PPP2R5A: variants seen among roughly 807,000 people sequenced by gnomAD.
The protein encoded by PPP2R5A is protein phosphatase 2 regulatory subunit B'alpha.
In PPP2R5A, 25 loss-of-function variants were observed where a neutral mutation model predicts 64.2. The ratio of observed to expected loss-of-function variants is 0.39; its 90% CI spans 0.28 to 0.54. The LOEUF is 0.54. Among genes scored for constraint, PPP2R5A ranks in the 20% least tolerant of loss-of-function variants. The pLI, the probability that PPP2R5A is intolerant of heterozygous loss-of-function variation, is 0.67. For missense variants in PPP2R5A, 425 were observed against 576.3 expected (o/e 0.74, Z 2.69); for synonymous variants, 198 against 201.2 (o/e 0.98, Z 0.13).
intron 1 of PPP2R5A, among the ~76,000 whole-genome samples, chr1:212,324,105 C>T (rs762316192): frequency 5.3e-5 from 8 of 151,948 alleles, no homozygotes; most frequent in Non-Finnish European, 1.0e-4. Context: ...TGTTCTTAAA[C>T]CTACTACGAT....
chr1:212,360,569 C>G, intron 12 of PPP2R5A, 69 bp from the exon 13 acceptor site: 2 of 1,327,882 alleles, frequency 1.5e-6, no homozygotes, highest in Non-Finnish European at 2.0e-6. Flanking sequence ...CTCCAGTAAG[C>G]TGTCAAACAG....
At chr1:212,338,741 T>C (rs1558151228) in intron 3 of PPP2R5A, among the ~76,000 whole-genome samples, 2 of 151,604 alleles carry the variant, frequency 1.3e-5, no homozygotes, top group South Asian at 2.1e-4. Flanking sequence ...GAGCCGACAT[T>C]GCGCCATTGC....
At chr1:212,336,548 A>G (rs1263795440) in intron 3 of PPP2R5A, among the ~76,000 whole-genome samples, 1 of 152,224 alleles carries the variant, frequency 6.6e-6, no homozygotes, top group African/African-American at 2.4e-5. Flanking sequence ...CTGAAAACCA[A>G]AATTTCTAGA....
chr1:212,360,760 G>C lies in PPP2R5A; in HGVS notation c.1451G>C (p.Ser484Thr). Residue 484 changes from serine to threonine, a missense_variant, in exon 13 of 13, where the codon AGT becomes ACT. By Grantham distance (58) the Ser-to-Thr change is moderately conservative. This residue lies in a region of PPP2R5A where 177 missense variants were observed against 244.8 expected (regional missense o/e 0.72). Coordinates refer to ENST00000261461, the MANE Select transcript of PPP2R5A (RefSeq NM_006243.4). ...ATGCACAGTATTCTCAGCAATACAA[G>C]TGCCGAATAAAAAAAAAGCCTCCCA... is the stretch of plus-strand genomic sequence containing the variant. Reference protein sequence around the residue: ...YNMHSILSNTSAE With the variant: ...YNMHSILSNTTAE The C allele has an allele frequency of 1.3e-6, 2 of 1,521,964 alleles. No individual in the cohort carries two copies. Among genetic ancestry groups the C allele is most frequent in the Non-Finnish European group, 1.8e-6 (2 of 1,142,582 alleles). 94.3% of individuals were successfully genotyped at this position (1,521,964 alleles called of 1,614,324 possible).
rs572366442 is a variant in PPP2R5A, at chr1:212,297,160, C to T, written c.181+10869C>T. ...TTTTGGAGACGGAGTCTCACTCTAT[C>T]GCCCAGGCTGGAGTGTAATGGCACA... On this transcript the variant is annotated intron_variant, in intron 1 of 12. Transcript: ENST00000261461. Among the ~76,000 whole-genome samples, 8 of 113,234 alleles carry T rather than the reference C, an allele frequency of 7.1e-5. No homozygotes were observed. The East Asian group carries it at 1.6e-3, about 23-fold the overall frequency. The allele number at this position is 113,234 out of a possible 152,430, so 74.3% of individuals were successfully genotyped here.
At chr1:212,297,815 T>TTTTTTTTTTATTTTTTA (rs1658727108) in intron 1 of PPP2R5A, 1 of 15,930 alleles carries the variant, frequency 6.3e-5, no homozygotes, top group Non-Finnish European at 1.1e-4. Flanking sequence ...AATTGTTTTT[T>TTTTTTTTTTATTTTTTA]TTTTTTTTTC....
chr1:212,357,329 T>TA, intron 11 of PPP2R5A, 45 bp downstream of exon 11: 4 of 1,422,844 alleles, frequency 2.8e-6, no homozygotes, highest in Non-Finnish European at 1.9e-6. Flanking sequence ...TTTTTTTTTT[T>TA]TATATCTTTT....
intron 1 of PPP2R5A, among the ~76,000 whole-genome samples, chr1:212,319,053 C>T (rs188773935): frequency 1.4e-4 from 21 of 152,266 alleles, no homozygotes; most frequent in African/African-American, 4.8e-4. Flanking sequence ...CTTATTTACT[C>T]ATTTATTTAT....
intron 1 of PPP2R5A, among the ~76,000 whole-genome samples, chr1:212,289,411 T>G (rs528940423): frequency 2.0e-5 from 3 of 152,336 alleles, no homozygotes; most frequent in South Asian, 4.1e-4. Flanking sequence ...TCCCATTTTA[T>G]TGATGAGAAA....
At chr1:212,286,965 G>A (rs1213552263) in intron 1 of PPP2R5A, among the ~76,000 whole-genome samples, 1 of 152,184 alleles carries the variant, frequency 6.6e-6, no homozygotes, top group Non-Finnish European at 1.5e-5. Flanking sequence ...ATATTCTGTT[G>A]TCTGAGCCGA....
At chr1:212,305,500 T>G (rs1393417286) in intron 1 of PPP2R5A, among the ~76,000 whole-genome samples, 6 of 152,038 alleles carry the variant, frequency 3.9e-5, no homozygotes, top group African/African-American at 1.5e-4. Flanking sequence ...TCTCCTGTTG[T>G]TGGGTGGAGT....
At chr1:212,313,422 G>A (rs1240646698) in intron 1 of PPP2R5A, among the ~76,000 whole-genome samples, 1 of 152,044 alleles carries the variant, frequency 6.6e-6, no homozygotes, top group African/African-American at 2.4e-5. Flanking sequence ...GGTTACCAGT[G>A]TGGTTGAATA....
At position 212,285,915 on chromosome 1, in the gene PPP2R5A, A is replaced by C; in HGVS notation, c.-196A>C. 11 of 454,082 alleles carry C rather than the reference A, an allele frequency of 2.4e-5. No homozygotes were observed. The highest frequency in any genetic ancestry group is 4.6e-5 in the Admixed American group (1 of 21,748). 28.1% of individuals were successfully genotyped at this position (454,082 alleles called of 1,614,324 possible). A position where few individuals can be genotyped will look rare whatever the true frequency, so the allele number is the denominator to read the frequency against. On this transcript the variant is annotated 5_prime_UTR_variant, in exon 1 of 13. Coordinates refer to ENST00000261461, the MANE Select transcript of PPP2R5A (RefSeq NM_006243.4). Reference sequence around the variant, plus strand: ...CGCGCGCCGGGGACCAGGAACCTCCAGCGCTGAGATGTGGCCGTGAGGCGT... The same window carrying C: ...CGCGCGCCGGGGACCAGGAACCTCCCGCGCTGAGATGTGGCCGTGAGGCGT...
rs192143667 is a variant in PPP2R5A, at chr1:212,358,388, C to T, written c.1227-298C>T. ...TTCATCTTCTTTTAATGTTGTTACT[C>T]AGGATTTCAGACATGAGACTGTAAA... is the stretch of plus-strand genomic sequence containing the variant. On this transcript the variant is annotated intron_variant, in intron 11 of 12. Coordinates refer to ENST00000261461, the MANE Select transcript of PPP2R5A (RefSeq NM_006243.4). 7.7e-5 allele frequency: 14 copies of T among 180,982 alleles called. No individual in the cohort carries two copies. The East Asian group carries it at 1.2e-3, about 16-fold the overall frequency. The allele number at this position is 180,982 out of a possible 1,614,324, so 11.2% of individuals were successfully genotyped here.
At chr1:212,288,917 T>C (rs1658552803) in intron 1 of PPP2R5A, among the ~76,000 whole-genome samples, 1 of 152,262 alleles carries the variant, frequency 6.6e-6, no homozygotes, top group African/African-American at 2.4e-5. Flanking sequence ...CAACTAGTTT[T>C]CCTCAAACCA....
chr1:212,330,286 T>C (rs1406009965), intron 2 of PPP2R5A, among the ~76,000 whole-genome samples: 1 of 152,076 alleles, frequency 6.6e-6, no homozygotes. Flanking sequence ...CCCAGCACTT[T>C]GGGAGGCTGA....
chr1:212,341,702 T>C (rs973889886), intron 3 of PPP2R5A, among the ~76,000 whole-genome samples: 2 of 152,096 alleles, frequency 1.3e-5, no homozygotes, highest in Admixed American at 1.3e-4. Context: ...GGAAACCAAA[T>C]GGTGAATATA....
At chr1:212,357,311 T>C in intron 11 of PPP2R5A, 27 bp downstream of exon 11, 1 of 1,484,310 alleles carries the variant, frequency 6.7e-7, no homozygotes, top group East Asian at 2.4e-5. Context: ...TAGGTCGTAT[T>C]TTTTTCTTTT....
intron 3 of PPP2R5A, among the ~76,000 whole-genome samples, chr1:212,338,512 C>G (rs950847815): frequency 9.9e-5 from 15 of 152,122 alleles, no homozygotes; most frequent in Admixed American, 9.2e-4. Flanking sequence ...CCAGCAATCC[C>G]AGTAATCCCA....
Sources: gnomAD v4.1 joint callset for allele counts (sites outside exome capture counted in the v4.1 genomes callset) on GRCh38, gnomAD v4.1.1 for gene constraint, gnomAD v4.1.1 regional missense constraint, MANE v1.5 for transcripts, NCBI Gene and HGNC (gene_info 2026-07-23, HGNC 2026-07-21) for gene names.